The following GRIA1 variants were observed in gnomAD, a reference collection of about 807,000 sequenced individuals.
GRIA1 encodes the protein glutamate ionotropic receptor AMPA type subunit 1.
GRIA1 carries 31 observed loss-of-function variants against 99.2 expected under a neutral mutation model. That is an observed-to-expected ratio of 0.31 (90% CI 0.23 to 0.42). The LOEUF (loss-of-function observed/expected upper bound fraction) is 0.42. GRIA1 is among the 10% of genes least tolerant of loss of function. The probability of loss-of-function intolerance (pLI) is 1.00; values close to 1 mark genes in which losing one functional copy is unlikely to be tolerated. For missense variants in GRIA1, 782 were observed against 1,157.5 expected (o/e 0.68, Z 4.71); for synonymous variants, 438 against 432.4 (o/e 1.01, Z -0.16).
At chr5:153,497,154 G>C (rs1754520358) in intron 2 of GRIA1, among the ~76,000 whole-genome samples, 1 of 152,098 alleles carries the variant, frequency 6.6e-6, no homozygotes, top group South Asian at 2.1e-4. Flanking sequence ...TGCTTCCCTG[G>C]TCTGCCATTG....
At chr5:153,640,456 T>C (rs1168779253) in intron 2 of GRIA1, among the ~76,000 whole-genome samples, 1 of 152,212 alleles carries the variant, frequency 6.6e-6, no homozygotes, top group Non-Finnish European at 1.5e-5. Flanking sequence ...CATCTCCAAC[T>C]CTGTGCCATA....
chr5:153,677,479 T>C (rs971028330), intron 7 of GRIA1, among the ~76,000 whole-genome samples: 3 of 152,236 alleles, frequency 2.0e-5, no homozygotes, highest in Non-Finnish European at 4.4e-5. Context: ...ACCATGTTAA[T>C]GGTCTCCTGG....
chr5:153,611,717 CA>C (rs966655066), intron 2 of GRIA1, among the ~76,000 whole-genome samples: 2 of 152,182 alleles, frequency 1.3e-5, no homozygotes, highest in Non-Finnish European at 2.9e-5. Context: ...CCTTCTCTTT[CA>C]AAAAACAAAC....
chr5:153,513,133 C>T (rs1756267594), intron 2 of GRIA1, among the ~76,000 whole-genome samples: 1 of 152,108 alleles, frequency 6.6e-6, no homozygotes, highest in Non-Finnish European at 1.5e-5. Context: ...TTATGGCATC[C>T]TGAGCTGACT....
intron 6 of GRIA1, among the ~76,000 whole-genome samples, chr5:153,676,542 G>A (rs1756599159): frequency 6.6e-6 from 1 of 152,196 alleles, no homozygotes; most frequent in Non-Finnish European, 1.5e-5. Context: ...AGAGATGAAA[G>A]AGTTAATCGT....
chr5:153,584,727 T>C (rs954390144), intron 2 of GRIA1, among the ~76,000 whole-genome samples: 1 of 152,186 alleles, frequency 6.6e-6, no homozygotes, highest in African/African-American at 2.4e-5. Context: ...TTTTATGCCA[T>C]TGTACAAGGC....
chr5:153,687,046 C>G (rs1315965080), intron 8 of GRIA1, among the ~76,000 whole-genome samples: 2 of 152,182 alleles, frequency 1.3e-5, no homozygotes, highest in East Asian at 3.9e-4. Flanking sequence ...CCCCCCATCT[C>G]CCTCCTCTTG....
intron 5 of GRIA1, among the ~76,000 whole-genome samples, chr5:153,663,970 G>C (rs745557039): frequency 6.6e-6 from 1 of 152,196 alleles, no homozygotes; most frequent in Non-Finnish European, 1.5e-5. Flanking sequence ...GACCATTTCA[G>C]ATATGTAAGA....
chr5:153,509,333 G>T (rs2113298266), intron 2 of GRIA1, among the ~76,000 whole-genome samples: 1 of 152,286 alleles, frequency 6.6e-6, no homozygotes, highest in East Asian at 1.9e-4. Context: ...AAAGTATGGG[G>T]TAAAGAAAAC....
chr5:153,596,206 C>T (rs1209168757), intron 2 of GRIA1, among the ~76,000 whole-genome samples: 1 of 152,172 alleles, frequency 6.6e-6, no homozygotes, highest in Non-Finnish European at 1.5e-5. Context: ...TTTAACCACA[C>T]AGGGTATAAC....
intron 8 of GRIA1, among the ~76,000 whole-genome samples, chr5:153,695,957 G>A (rs1758062841): frequency 1.3e-5 from 2 of 152,186 alleles, no homozygotes; most frequent in South Asian, 4.1e-4. Flanking sequence ...AGGAACTCTG[G>A]AACAAGTATG....
chr5:153,742,771 G>A (rs1228888864), intron 11 of GRIA1, among the ~76,000 whole-genome samples: 1 of 152,120 alleles, frequency 6.6e-6, no homozygotes, highest in Non-Finnish European at 1.5e-5. Context: ...GTCTTCTTCT[G>A]TCTTACTCCT....
intron 2 of GRIA1, among the ~76,000 whole-genome samples, chr5:153,562,566 A>G (rs1761225024): frequency 6.6e-6 from 1 of 152,210 alleles, no homozygotes; most frequent in South Asian, 2.1e-4. Flanking sequence ...TTTGTAGTCC[A>G]TAGGATTCTC....
chr5:153,730,928 G>A (rs1760966457), intron 11 of GRIA1, among the ~76,000 whole-genome samples: 1 of 152,006 alleles, frequency 6.6e-6, no homozygotes, highest in Admixed American at 6.6e-5. Context: ...TCATTTGAGG[G>A]TTTAGATCTC....
intron 2 of GRIA1, among the ~76,000 whole-genome samples, chr5:153,499,685 C>A (rs1298279240): frequency 6.8e-6 from 1 of 147,722 alleles, no homozygotes; most frequent in East Asian, 2.0e-4. Flanking sequence ...AGTGAAATAG[C>A]CCAACGGTAG....
intron 2 of GRIA1, among the ~76,000 whole-genome samples, chr5:153,624,975 G>T (rs1767449398): frequency 6.6e-6 from 1 of 152,176 alleles, no homozygotes; most frequent in African/African-American, 2.4e-5. Context: ...CGTCTCCTGT[G>T]CAGAGCTCCT....
intron 11 of GRIA1, among the ~76,000 whole-genome samples, chr5:153,721,900 T>C (rs1341710847): frequency 6.6e-6 from 1 of 152,200 alleles, no homozygotes; most frequent in Non-Finnish European, 1.5e-5. Flanking sequence ...GGTCAACTTA[T>C]ATATATTTTC....
chr5:153,810,044 A>G (rs1432045803), intron 15 of GRIA1, among the ~76,000 whole-genome samples: 1 of 152,212 alleles, frequency 6.6e-6, no homozygotes, highest in Non-Finnish European at 1.5e-5. Context: ...CCTATCATCA[A>G]TGGTCTTTCT....
chr5:153,722,821 G>C (rs1304691637), intron 11 of GRIA1, among the ~76,000 whole-genome samples: 2 of 152,214 alleles, frequency 1.3e-5, no homozygotes, highest in Non-Finnish European at 2.9e-5. Context: ...AATGTCTGCA[G>C]TGTTTTCTAA....
Sources: gnomAD v4.1 joint callset for allele counts (sites outside exome capture counted in the v4.1 genomes callset) on GRCh38, gnomAD v4.1.1 for gene constraint, MANE v1.5 for transcripts, NCBI Gene and HGNC (gene_info 2026-07-23, HGNC 2026-07-21) for gene names.